The following LRFN4 variants were observed in gnomAD, a reference collection of about 807,000 sequenced individuals.
The protein encoded by LRFN4 is leucine-rich repeat and fibronectin type-III domain-containing protein 4.
Under a neutral mutation model 29.0 loss-of-function variants are expected in LRFN4, and 10 were observed. The ratio of observed to expected loss-of-function variants is 0.35; its 90% confidence interval spans 0.21 to 0.59. LRFN4 has a LOEUF of 0.59. Among genes scored for constraint, LRFN4 ranks in the 20% least tolerant of loss-of-function variants. LRFN4 has a pLI of 0.82. For synonymous variants in LRFN4, 493 were observed against 437.0 expected, an observed-to-expected ratio of 1.13 and a Z score of -1.60; for missense variants, 850 against 907.9, an observed-to-expected ratio of 0.94 and a Z score of 0.82.
chr11:66,859,393 GT>G (rs1350211366), intron 1 of LRFN4, among the ~76,000 whole-genome samples: 1 of 152,174 alleles, frequency 6.6e-6, no homozygotes, highest in Non-Finnish European at 1.5e-5. Context: ...CCGCGCCCGC[GT>G]GTTATTTCTG....
In LRFN4 at chr11:66,859,902, G is replaced by T; in HGVS notation, c.1615G>T (p.Val539Phe). Residue 539 changes from valine (V) to phenylalanine (F), a missense_variant, in exon 2 of 2, where the codon GTT (valine) becomes TTT (phenylalanine). Around this residue, in one of 2 missense-constraint regions of LRFN4, gnomAD observed 744 missense variants for 753.8 expected, o/e 0.99. Transcript: ENST00000309602. ...ALLVFTVALL[V>F]RGRGAGNGRL... ...ACTGGTCTTCACTGTGGCCTTGCTG[G>T]TTCGGGGCCGGGGGGCCGGAAATGG... is the stretch of plus-strand genomic sequence containing the variant. 6.3e-7 allele frequency: 1 copy of T among 1,576,876 alleles called. No individual in the cohort carries two copies. The highest frequency in any genetic ancestry group is 8.6e-7 in the Non-Finnish European group (1 of 1,162,276).
In LRFN4 at chr11:66,860,147, C is replaced by T; in HGVS notation, c.1860C>T (p.Cys620=). The T allele has an allele frequency of 6.5e-7, 1 of 1,549,044 alleles. No homozygotes were observed. The highest frequency in any genetic ancestry group is 8.7e-7 in the Non-Finnish European group (1 of 1,147,524). The change falls in exon 2 of 2, where the codon TGC becomes TGT. Residue 620 remains cysteine, a synonymous_variant. Coordinates refer to ENST00000309602, the MANE Select transcript of LRFN4 (RefSeq NM_024036.5). ...ATGGGGGGCTGCTCGGGGCAGGGTG[C>T]CGGGGGGTAGGAGGCAGCGCCGAGC... is the stretch of plus-strand genomic sequence containing the variant. The part of the protein sequence containing the change: ...SVHGGLLGAG[C]RGVGGSAERL...
Position 66,858,141 on chromosome 11 carries a change from G to C in LRFN4, c.397G>C (p.Gly133Arg). The change falls in exon 1 of 2, where the codon GGC (glycine) becomes CGC (arginine). Residue 133 changes from glycine (G) to arginine (R), a missense_variant. Coordinates refer to ENST00000309602, the MANE Select transcript of LRFN4 (RefSeq NM_024036.5). The surrounding 1 kb of genome is among the most constrained non-coding windows in gnomAD (Gnocchi z 5.9). Reference protein sequence around the residue: ...QHLILSGNQLGRIAPGAFDDF... With the variant: ...QHLILSGNQLRRIAPGAFDDF... The stretch of plus-strand genomic sequence containing the variant: ...CCTCATCCTCAGCGGCAACCAGCTG[G>C]GCCGCATCGCGCCGGGAGCCTTCGA... The C allele has an allele frequency of 6.2e-7, 1 of 1,610,592 alleles. No individual in the cohort carries two copies. Among genetic ancestry groups the C allele is most frequent in the Non-Finnish European group, 8.5e-7 (1 of 1,178,786 alleles).
In LRFN4 at chr11:66,859,099, G is replaced by A. The variant is rs947934808; in HGVS notation, c.1349+6G>A. ...GATGAGACCCTCATCTACCGGTGAG[G>A]ATGCGTGCCCCACACCCGGCTGCAC... On this transcript the variant is annotated splice_donor_region_variant and intron_variant, in intron 1 of 1. Coordinates refer to ENST00000309602, the MANE Select transcript of LRFN4 (RefSeq NM_024036.5). 4 of 1,484,534 alleles carry A rather than the reference G, an allele frequency of 2.7e-6. No individual in the cohort carries two copies. The highest frequency in any genetic ancestry group is 2.4e-5 in the Admixed American group (1 of 41,076). 92.0% of individuals were successfully genotyped at this position (1,484,534 alleles called of 1,614,324 possible). A position where few individuals can be genotyped will look rare whatever the true frequency, so the allele number is the denominator to read the frequency against.
Position 66,857,100 on chromosome 11 carries a change from C to A in LRFN4, c.-645C>A, listed in dbSNP as rs1945901075. 1 of 147,654 alleles carries A rather than the reference C, an allele frequency of 6.8e-6. No homozygotes were observed. Among genetic ancestry groups the A allele is most frequent in the Non-Finnish European group, 1.5e-5 (1 of 66,262 alleles). The allele number at this position is 147,654 out of a possible 1,614,324, so 9.1% of individuals were successfully genotyped here. A position where few individuals can be genotyped will look rare whatever the true frequency, so the allele number is the denominator to read the frequency against. Reference sequence around the variant, plus strand: ...CCCGCTCGCCTGTCGCCGCCGCCACCGCTAACCGCGCCGGGAAAAGGTGCC... The same window carrying A: ...CCCGCTCGCCTGTCGCCGCCGCCACAGCTAACCGCGCCGGGAAAAGGTGCC... On this transcript the variant is annotated 5_prime_UTR_variant, in exon 1 of 2. Coordinates refer to ENST00000309602, the MANE Select transcript of LRFN4 (RefSeq NM_024036.5). The surrounding 1 kb of genome is among the most constrained non-coding windows in gnomAD (Gnocchi z 7.1).
At position 66,858,036 on chromosome 11, in the gene LRFN4, C is replaced by T; in HGVS notation, c.292C>T (p.Leu98=). The T allele has an allele frequency of 1.2e-6, 2 of 1,611,594 alleles. No individual in the cohort carries two copies. The highest frequency in any genetic ancestry group is 1.7e-6 in the Non-Finnish European group (2 of 1,179,672). ...CCGCGCCTTTGGGGACCTCGAGAGC[C>T]TGCGTTCCCTCCACCTTGACGGCAA... ...GARAFGDLES[L]RSLHLDGNRL... Residue 98 remains leucine, a synonymous_variant, in exon 1 of 2, where the codon CTG becomes TTG. Coordinates refer to ENST00000309602, the MANE Select transcript of LRFN4 (RefSeq NM_024036.5). This position sits in a 1 kb window ranked among gnomAD's most constrained non-coding sequence, Gnocchi z 5.9.
Position 66,857,592 on chromosome 11 carries a change from T to C in LRFN4, c.-153T>C. The C allele has an allele frequency of 1.3e-6, 1 of 780,704 alleles. No individual in the cohort carries two copies. The highest frequency in any genetic ancestry group is 2.0e-6 in the Non-Finnish European group (1 of 503,992). The allele number at this position is 780,704 out of a possible 1,614,324, so 48.4% of individuals were successfully genotyped here. The stretch of plus-strand genomic sequence containing the variant: ...TGGCCCTGCAGGCCCCAACCTTCCC[T>C]CATCTCTGGCGGCCCTCTTGGGCCT... On this transcript the variant is annotated 5_prime_UTR_variant, in exon 1 of 2. Coordinates refer to ENST00000309602, the MANE Select transcript of LRFN4 (RefSeq NM_024036.5). This position sits in a 1 kb window ranked among gnomAD's most constrained non-coding sequence, Gnocchi z 7.1.
Position 66,859,640 on chromosome 11 carries a change from T to C in LRFN4, c.1353T>C (p.Ile451=). Residue 451 remains isoleucine, a synonymous_variant, in exon 2 of 2, where the codon ATT becomes ATC. Transcript: ENST00000309602. ...SSEDETLIYR[I]VPASSHHFLL... ...GACCACCTGCCCTTGCCTGCAGGAT[T>C]GTCCCAGCCTCCAGCCACCACTTCC... The C allele has an allele frequency of 6.2e-7, 1 of 1,612,820 alleles. No individual in the cohort carries two copies. Among genetic ancestry groups the C allele is most frequent in the Non-Finnish European group, 8.5e-7 (1 of 1,179,896 alleles).
Position 66,858,010 on chromosome 11 carries a change from C to T in LRFN4, c.266C>T (p.Ala89Val). 1 of 1,612,328 alleles carries T rather than the reference C, an allele frequency of 6.2e-7. No individual in the cohort carries two copies. Among genetic ancestry groups the T allele is most frequent in the East Asian group, 2.2e-5 (1 of 44,868 alleles). The change falls in exon 1 of 2, where the codon GCC becomes GTC. Residue 89 changes from alanine to valine, a missense_variant. Transcript: ENST00000309602. The surrounding 1 kb of genome is among the most constrained non-coding windows in gnomAD (Gnocchi z 5.9). ...CGCAATGCCATCACCCGCATTGGGG[C>T]CCGCGCCTTTGGGGACCTCGAGAGC... The part of the protein sequence containing the change: ...LSRNAITRIG[A>V]RAFGDLESLR...
At chr11:66,859,473 C>CA (rs1946106140) in intron 1 of LRFN4, among the ~76,000 whole-genome samples, 164 bp from the exon 2 acceptor site, 1 of 152,234 alleles carries the variant, frequency 6.6e-6, no homozygotes, top group Non-Finnish European at 1.5e-5. Flanking sequence ...TGCACACACC[C>CA]ATCTCCTGGC....
rs531056189 is a variant in LRFN4 at position 66,858,793 on chromosome 11, C to A, written c.1049C>A (p.Thr350Asn). Residue 350 changes from threonine (T) to asparagine (N), a missense_variant, in exon 1 of 2, where the codon ACC becomes AAC. This residue lies in a region of LRFN4 where 744 missense variants were observed against 753.8 expected (regional missense o/e 0.99). Coordinates refer to ENST00000309602, the MANE Select transcript of LRFN4 (RefSeq NM_024036.5). This position sits in a 1 kb window ranked among gnomAD's most constrained non-coding sequence, Gnocchi z 5.9. Reference sequence around the variant, plus strand: ...GGCGCTGGGGACGCTGGGGGCTACACCTGCATCGCCACCAACCCTGCTGGT... The same window carrying A: ...GGCGCTGGGGACGCTGGGGGCTACAACTGCATCGCCACCAACCCTGCTGGT... ...VTGAGDAGGY[T>N]CIATNPAGEA... 6.5e-7 allele frequency: 1 copy of A among 1,549,746 alleles called. No homozygotes were observed. The highest frequency in any genetic ancestry group is 1.4e-5 in the African/African-American group (1 of 73,240).
chr11:66,859,258 T>C (rs1457750149), intron 1 of LRFN4, among the ~76,000 whole-genome samples, 165 bp downstream of exon 1: 1 of 152,102 alleles, frequency 6.6e-6, no homozygotes, highest in Non-Finnish European at 1.5e-5. Flanking sequence ...CTGGCCTGGC[T>C]GCCTGAGGGG....
At position 66,858,972 on chromosome 11, in the gene LRFN4, C is replaced by A; in HGVS notation, c.1228C>A (p.Gln410Lys). Residue 410 changes from glutamine to lysine, a missense_variant, in exon 1 of 2, where the codon CAG becomes AAG. Around this residue, in one of 2 missense-constraint regions of LRFN4, gnomAD observed 744 missense variants for 753.8 expected, o/e 0.99. Coordinates refer to ENST00000309602, the MANE Select transcript of LRFN4 (RefSeq NM_024036.5). This position sits in a 1 kb window ranked among gnomAD's most constrained non-coding sequence, Gnocchi z 5.9. ...EGTLESEPAV[Q>K]VTEVTATSGL... is the part of the protein sequence containing the mutation. ...GACGCTGGAGTCTGAGCCAGCCGTG[C>A]AGGTGACGGAGGTGACCGCCACCTC... The A allele has an allele frequency of 1.3e-6, 2 of 1,572,032 alleles. No individual in the cohort carries two copies. The highest frequency in any genetic ancestry group is 8.7e-7 in the Non-Finnish European group (1 of 1,155,496).
rs1185625631 is a variant in LRFN4 at position 66,858,013 on chromosome 11, G to T, written c.269G>T (p.Arg90Leu). The T allele has an allele frequency of 6.2e-7, 1 of 1,612,124 alleles. No individual in the cohort carries two copies. The highest frequency in any genetic ancestry group is 1.3e-5 in the African/African-American group (1 of 74,918). ...SRNAITRIGA[R>L]AFGDLESLRS... ...AATGCCATCACCCGCATTGGGGCCC[G>T]CGCCTTTGGGGACCTCGAGAGCCTG... Residue 90 changes from arginine to leucine, a missense_variant, in exon 1 of 2, where the codon CGC becomes CTC. Arg to Leu is a moderately radical substitution (Grantham distance 102). Coordinates refer to ENST00000309602, the MANE Select transcript of LRFN4 (RefSeq NM_024036.5). The surrounding 1 kb of genome is among the most constrained non-coding windows in gnomAD (Gnocchi z 5.9).
chr11:66,859,789 C>G lies in LRFN4; in HGVS notation c.1502C>G (p.Pro501Arg). The G allele has an allele frequency of 6.3e-7, 1 of 1,598,490 alleles. No individual in the cohort carries two copies. Among genetic ancestry groups the G allele is most frequent in the Non-Finnish European group, 8.5e-7 (1 of 1,172,468 alleles). Residue 501 changes from proline to arginine, a missense_variant, in exon 2 of 2, where the codon CCG becomes CGG. This residue lies in a region of LRFN4 where 744 missense variants were observed against 753.8 expected (regional missense o/e 0.99). Coordinates refer to ENST00000309602, the MANE Select transcript of LRFN4 (RefSeq NM_024036.5). ...LLGCAHFSTLPASPLCHALQA... is the reference protein window; with the variant it reads ...LLGCAHFSTLRASPLCHALQA... ...GGCTGTGCCCATTTCTCCACGCTGC[C>G]GGCCTCGCCCCTGTGCCACGCCCTG...
At position 66,860,146 on chromosome 11, in the gene LRFN4, G is replaced by GC; in HGVS notation, c.1861dup (p.Arg621ProfsTer28). 1 of 1,549,384 alleles carries GC rather than the reference G, an allele frequency of 6.5e-7. No homozygotes were observed. The highest frequency in any genetic ancestry group is 8.7e-7 in the Non-Finnish European group (1 of 1,147,580). ...CATGGGGGGCTGCTCGGGGCAGGGT[G>GC]CCGGGGGGTAGGAGGCAGCGCCGAG... On this transcript the variant is annotated frameshift_variant, in exon 2 of 2. Coordinates refer to ENST00000309602, the MANE Select transcript of LRFN4 (RefSeq NM_024036.5). LOFTEE classifies it high-confidence loss of function.
Position 66,857,578 on chromosome 11 carries a change from G to GC in LRFN4, c.-163dup. 1.4e-6 allele frequency: 1 copy of GC among 693,546 alleles called. No homozygotes were observed. Among genetic ancestry groups the GC allele is most frequent in the Non-Finnish European group, 2.4e-6 (1 of 425,464 alleles). 43.0% of individuals were successfully genotyped at this position (693,546 alleles called of 1,614,324 possible). A position where few individuals can be genotyped will look rare whatever the true frequency, so the allele number is the denominator to read the frequency against. Reference sequence around the variant, plus strand: ...TGCTCTGGGGGGCCTGGCCCTGCAGGCCCCAACCTTCCCTCATCTCTGGCG... The same window carrying GC: ...TGCTCTGGGGGGCCTGGCCCTGCAGGCCCCCAACCTTCCCTCATCTCTGGCG... On this transcript the variant is annotated 5_prime_UTR_variant, in exon 1 of 2. Coordinates refer to ENST00000309602, the MANE Select transcript of LRFN4 (RefSeq NM_024036.5). The surrounding 1 kb of genome is among the most constrained non-coding windows in gnomAD (Gnocchi z 7.1).
Position 66,859,022 on chromosome 11 carries a change from GC to G in LRFN4, c.1279del (p.Arg427GlyfsTer35), listed in dbSNP as rs1946073052. ...CAGGGCTGGTGAGCTGGGGTCCCGGGCGGCCAGCCGACCCAGTGTGGATGTT... is the reference window on the plus strand; with the variant it reads ...CAGGGCTGGTGAGCTGGGGTCCCGGGGGCCAGCCGACCCAGTGTGGATGTT... ...TSGLVSWGPG[R>X]PADPVWMFQI... On this transcript the variant is annotated frameshift_variant, in exon 1 of 2. Transcript: ENST00000309602. LOFTEE classifies it high-confidence loss of function. 1 of 1,511,234 alleles carries G rather than the reference GC, an allele frequency of 6.6e-7. No individual in the cohort carries two copies. Among genetic ancestry groups the G allele is most frequent in the Admixed American group, 2.2e-5 (1 of 44,616 alleles). The allele number at this position is 1,511,234 out of a possible 1,614,324, so 93.6% of individuals were successfully genotyped here. A position where few individuals can be genotyped will look rare whatever the true frequency, so the allele number is the denominator to read the frequency against.
chr11:66,857,654 C>G lies in LRFN4; in HGVS notation c.-91C>G. 1 of 1,388,002 alleles carries G rather than the reference C, an allele frequency of 7.2e-7. No individual in the cohort carries two copies. The highest frequency in any genetic ancestry group is 9.6e-7 in the Non-Finnish European group (1 of 1,046,044). The allele number at this position is 1,388,002 out of a possible 1,614,324, so 86.0% of individuals were successfully genotyped here. A position where few individuals can be genotyped will look rare whatever the true frequency, so the allele number is the denominator to read the frequency against. On this transcript the variant is annotated 5_prime_UTR_variant, in exon 1 of 2. Coordinates refer to ENST00000309602, the MANE Select transcript of LRFN4 (RefSeq NM_024036.5). The surrounding 1 kb of genome is among the most constrained non-coding windows in gnomAD (Gnocchi z 7.1). ...CCTCCCCGGGCCAGGCTCACAGAAGCTGGCTTCTGGGACTGTCCTGGGCCC... is the reference window on the plus strand; with the variant it reads ...CCTCCCCGGGCCAGGCTCACAGAAGGTGGCTTCTGGGACTGTCCTGGGCCC...
Sources: allele counts gnomAD v4.1 joint callset (sites outside exome capture counted in the v4.1 genomes callset), GRCh38; gene constraint gnomAD v4.1.1; regional missense constraint gnomAD v4.1.1; non-coding constraint Gnocchi (gnomAD v3.1); transcripts MANE v1.5; gene names NCBI Gene and HGNC (gene_info 2026-07-23, HGNC 2026-07-21).